Variants in TMED7 observed in about 807,000 individuals in gnomAD.
TMED7 encodes transmembrane p24 trafficking protein 7.
In TMED7, 8 loss-of-function variants were observed where a neutral mutation model predicts 23.4. The ratio of observed to expected loss-of-function variants is 0.34; its 90% CI spans 0.20 to 0.62. The LOEUF is 0.62. TMED7 is among the 20% of genes least tolerant of loss of function. The probability of loss-of-function intolerance (pLI) is 0.77; values close to 1 mark genes in which losing one functional copy is unlikely to be tolerated. For missense variants in TMED7, 232 were observed against 279.1 expected (o/e 0.83, Z 1.20); for synonymous variants, 121 against 108.5 (o/e 1.12, Z -0.72).
Position 115,615,688 on chromosome 5 carries a change from C to A in TMED7, c.*521G>T. On this transcript the variant is annotated 3_prime_UTR_variant, in exon 3 of 3. Coordinates refer to ENST00000456936, the MANE Select transcript of TMED7 (RefSeq NM_181836.6). The stretch of plus-strand genomic sequence containing the variant: ...TAAGCTAGTGAGAAATCAATTTTAC[C>A]ATGATATATCAATATTAACTAACAT... The A allele has an allele frequency of 6.5e-6, 1 of 153,384 alleles. No homozygotes were observed. Among genetic ancestry groups the A allele is most frequent in the Non-Finnish European group, 1.5e-5 (1 of 68,500 alleles). 9.5% of individuals were successfully genotyped at this position (153,384 alleles called of 1,614,324 possible). A position where few individuals can be genotyped will look rare whatever the true frequency, so the allele number is the denominator to read the frequency against.
chr5:115,622,775 C>T (rs1351090462), intron 1 of TMED7, among the ~76,000 whole-genome samples: 1 of 152,184 alleles, frequency 6.6e-6, no homozygotes, highest in African/African-American at 2.4e-5. Flanking sequence ...TTCACATGTT[C>T]TTCCTCCCAG....
chr5:115,616,069 A>G lies in TMED7; in HGVS notation c.*140T>C, dbSNP rs899714080. 2.4e-5 allele frequency: 20 copies of G among 819,716 alleles called. No homozygotes were observed. In the African/African-American group the frequency reaches 3.0e-4, roughly 12 times the overall value. 50.8% of individuals were successfully genotyped at this position (819,716 alleles called of 1,614,324 possible). A position where few individuals can be genotyped will look rare whatever the true frequency, so the allele number is the denominator to read the frequency against. On this transcript the variant is annotated 3_prime_UTR_variant, in exon 3 of 3. Coordinates refer to ENST00000456936, the MANE Select transcript of TMED7 (RefSeq NM_181836.6). ...AAGGTGTCCTTTCCACAGTTTGGGA[A>G]TATGCATTGTACATCCCTCCCAACA... is the stretch of plus-strand genomic sequence containing the variant.
chr5:115,625,392 G>A (rs1757165053), intron 1 of TMED7, among the ~76,000 whole-genome samples: 1 of 152,104 alleles, frequency 6.6e-6, no homozygotes, highest in Admixed American at 6.5e-5. Flanking sequence ...GAGCATTTCT[G>A]GAATTCATAT....
rs182469283 is a variant in TMED7 at position 115,625,507 on chromosome 5, G to A, written c.192+94C>T. 7.1e-5 allele frequency: 94 copies of A among 1,331,882 alleles called. No individual in the cohort carries two copies. The African/African-American group carries it at 1.4e-3, about 20-fold the overall frequency. The allele number at this position is 1,331,882 out of a possible 1,614,324, so 82.5% of individuals were successfully genotyped here. A position where few individuals can be genotyped will look rare whatever the true frequency, so the allele number is the denominator to read the frequency against. On this transcript the variant is annotated intron_variant, in intron 1 of 2. Transcript: ENST00000456936. Reference sequence around the variant, plus strand: ...GCGATTTTTGAATTAGCCTAAGAACGGGGAAACACGGACAGGAAAGTGCCA... The same window carrying A: ...GCGATTTTTGAATTAGCCTAAGAACAGGGAAACACGGACAGGAAAGTGCCA...
chr5:115,614,190 CAG>C lies in TMED7; in HGVS notation c.*2017_*2018del, dbSNP rs1474765239. On this transcript the variant is annotated 3_prime_UTR_variant, in exon 3 of 3. Transcript: ENST00000456936. ...AACCATCAAAATGTAACCAGTTACA[CAG>C]AGACTAGACTAAGCCAACACTATTT... The C allele has an allele frequency of 6.6e-6, 1 of 152,048 alleles. No individual in the cohort carries two copies. The highest frequency in any genetic ancestry group is 1.5e-5 in the Non-Finnish European group (1 of 67,946). 9.4% of individuals were successfully genotyped at this position (152,048 alleles called of 1,614,324 possible). A position where few individuals can be genotyped will look rare whatever the true frequency, so the allele number is the denominator to read the frequency against.
Position 115,614,184 on chromosome 5 carries a change from G to A in TMED7, c.*2025C>T, listed in dbSNP as rs1377871341. 1 of 152,050 alleles carries A rather than the reference G, an allele frequency of 6.6e-6. No homozygotes were observed. Among genetic ancestry groups the A allele is most frequent in the East Asian group, 1.9e-4 (1 of 5,200 alleles). The allele number at this position is 152,050 out of a possible 1,614,324, so 9.4% of individuals were successfully genotyped here. A position where few individuals can be genotyped will look rare whatever the true frequency, so the allele number is the denominator to read the frequency against. ...ATAGACAACCATCAAAATGTAACCA[G>A]TTACACAGAGACTAGACTAAGCCAA... On this transcript the variant is annotated 3_prime_UTR_variant, in exon 3 of 3. Coordinates refer to ENST00000456936, the MANE Select transcript of TMED7 (RefSeq NM_181836.6).
chr5:115,625,510 G>C (rs935118162), intron 1 of TMED7, 91 bp downstream of exon 1: 11 of 1,343,806 alleles, frequency 8.2e-6, no homozygotes, highest in Non-Finnish European at 1.1e-5. Context: ...TAAGAACGGG[G>C]AAACACGGAC....
intron 1 of TMED7, among the ~76,000 whole-genome samples, 189 bp downstream of exon 1, chr5:115,625,412 C>G (rs1199739812): frequency 6.6e-6 from 1 of 152,174 alleles, no homozygotes. Context: ...TATTTTAACA[C>G]CCGGTCTTAA....
intron 2 of TMED7, among the ~76,000 whole-genome samples, chr5:115,619,823 C>T (rs1756957275): frequency 1.3e-5 from 2 of 152,116 alleles, no homozygotes; most frequent in African/African-American, 4.8e-5. Flanking sequence ...AAACAGTCCT[C>T]ATCACCTAAG....
Position 115,614,144 on chromosome 5 carries a change from C to T in TMED7, c.*2065G>A, listed in dbSNP as rs1252826876. On this transcript the variant is annotated 3_prime_UTR_variant, in exon 3 of 3. Coordinates refer to ENST00000456936, the MANE Select transcript of TMED7 (RefSeq NM_181836.6). ...GTATGTATTTTCTAATTTACATACACATATCCAGTTGAGTATAGACAACCA... is the reference window on the plus strand; with the variant it reads ...GTATGTATTTTCTAATTTACATACATATATCCAGTTGAGTATAGACAACCA... 6.6e-6 allele frequency: 1 copy of T among 152,074 alleles called. No individual in the cohort carries two copies. The highest frequency in any genetic ancestry group is 1.5e-5 in the Non-Finnish European group (1 of 67,952). 9.4% of individuals were successfully genotyped at this position (152,074 alleles called of 1,614,324 possible). A position where few individuals can be genotyped will look rare whatever the true frequency, so the allele number is the denominator to read the frequency against.
intron 1 of TMED7, among the ~76,000 whole-genome samples, chr5:115,623,404 A>G (rs925906943): frequency 6.6e-6 from 1 of 152,216 alleles, no homozygotes; most frequent in Non-Finnish European, 1.5e-5. Flanking sequence ...GAAGACCAGG[A>G]GCAAATCATC....
In TMED7 at chr5:115,620,535, T is replaced by C. The variant is rs772964360; in HGVS notation, c.338A>G (p.Glu113Gly). The change falls in exon 2 of 3, where the codon GAA becomes GGA. Residue 113 changes from glutamate to glycine, a missense_variant. This residue lies in a region of TMED7 where 126 missense variants were observed against 182.1 expected (regional missense o/e 0.69). Coordinates refer to ENST00000456936, the MANE Select transcript of TMED7 (RefSeq NM_181836.6). The stretch of plus-strand genomic sequence containing the variant: ...AGTTTTATGTGTGAAAGTAGAAAAT[T>C]CATTGCTGAAGCAAAATTTGTATGT... ...NGTYKFCFSN[E>G]FSTFTHKTVY... 2 of 1,605,480 alleles carry C rather than the reference T, an allele frequency of 1.2e-6. No individual in the cohort carries two copies. Among genetic ancestry groups the C allele is most frequent in the African/African-American group, 1.3e-5 (1 of 74,496 alleles).
rs1756548147 is a variant in TMED7, at chr5:115,613,415, C to A, written c.*2794G>T. 6.6e-6 allele frequency: 1 copy of A among 152,106 alleles called. No individual in the cohort carries two copies. The highest frequency in any genetic ancestry group is 2.1e-4 in the South Asian group (1 of 4,828). The allele number at this position is 152,106 out of a possible 1,614,324, so 9.4% of individuals were successfully genotyped here. ...TTTAATAAAATACCAAATAAATAAT[C>A]ACTCTCATTACAGAACTGTACTCTA... is the stretch of plus-strand genomic sequence containing the variant. On this transcript the variant is annotated 3_prime_UTR_variant, in exon 3 of 3. Transcript: ENST00000456936.
In TMED7 at chr5:115,615,935, C is replaced by T. The variant is rs531109886; in HGVS notation, c.*274G>A. 6.8e-5 allele frequency: 27 copies of T among 399,102 alleles called. No individual in the cohort carries two copies. Among genetic ancestry groups the T allele is most frequent in the Admixed American group, 2.0e-4 (5 of 24,886 alleles). The allele number at this position is 399,102 out of a possible 1,614,324, so 24.7% of individuals were successfully genotyped here. On this transcript the variant is annotated 3_prime_UTR_variant, in exon 3 of 3. Transcript: ENST00000456936. ...AATCAAAATACCAAAGTTTAGTGTG[C>T]GAAGAGTAGATATAAACAACTGCGA...
chr5:115,622,936 A>G (rs543808493), intron 1 of TMED7, among the ~76,000 whole-genome samples: 95 of 152,220 alleles, frequency 6.2e-4, no homozygotes, highest in African/African-American at 1.9e-3. Flanking sequence ...ACGGATCAAA[A>G]TGACAGTGTT....
In TMED7 at chr5:115,613,725, G is replaced by A. The variant is rs1208815710; in HGVS notation, c.*2484C>T. ...GTACAGAGATTTAAATGAAATCTTCGAAAGAATAAATTTGCTTTTCAGTCC... is the reference window on the plus strand; with the variant it reads ...GTACAGAGATTTAAATGAAATCTTCAAAAGAATAAATTTGCTTTTCAGTCC... On this transcript the variant is annotated 3_prime_UTR_variant, in exon 3 of 3. Transcript: ENST00000456936. 2.6e-5 allele frequency: 4 copies of A among 152,424 alleles called. No individual in the cohort carries two copies. Among genetic ancestry groups the A allele is most frequent in the South Asian group, 2.1e-4 (1 of 4,820 alleles). The allele number at this position is 152,424 out of a possible 1,614,324, so 9.4% of individuals were successfully genotyped here.
intron 1 of TMED7, among the ~76,000 whole-genome samples, chr5:115,625,227 G>C (rs1757159130): frequency 6.6e-6 from 1 of 152,194 alleles, no homozygotes; most frequent in Admixed American, 6.5e-5. Context: ...TTAGACATTG[G>C]CAGCACTCCA....
At chr5:115,622,259 C>T (rs918618854) in intron 1 of TMED7, among the ~76,000 whole-genome samples, 10 of 152,158 alleles carry the variant, frequency 6.6e-5, no homozygotes, top group African/African-American at 2.2e-4. Flanking sequence ...AACAAGTAAT[C>T]TCACTTAACA....
At chr5:115,618,250 G>A (rs1756868177) in intron 2 of TMED7, among the ~76,000 whole-genome samples, 3 of 152,120 alleles carry the variant, frequency 2.0e-5, no homozygotes, top group Admixed American at 6.5e-5. Context: ...GCAAATCTCA[G>A]ATATTTTATC....
Sources: allele counts gnomAD v4.1 joint callset (sites outside exome capture counted in the v4.1 genomes callset), GRCh38; gene constraint gnomAD v4.1.1; regional missense constraint gnomAD v4.1.1; transcripts MANE v1.5; gene names NCBI Gene and HGNC (gene_info 2026-07-23, HGNC 2026-07-21).